The following LRP5 variants were observed in gnomAD, a reference collection of about 807,000 sequenced individuals.
The protein encoded by LRP5 is low-density lipoprotein receptor-related protein 5.
LRP5 carries 62 observed loss-of-function variants against 154.1 expected under a neutral mutation model. The observed-to-expected ratio is 0.40, with a 90% confidence interval of 0.33 to 0.50. The LOEUF is 0.50. Among genes scored for constraint, LRP5 ranks in the 20% least tolerant of loss-of-function variants. LRP5 has a pLI of 0.55. For synonymous variants in LRP5, 966 were observed against 1,011.5 expected (o/e 0.96, Z 0.85); for missense variants, 1,915 against 2,336.7 (o/e 0.82, Z 3.72).
At chr11:68,302,993 C>T in the LRP5 span, among the ~76,000 whole-genome samples, 1 of 152,218 alleles carries the variant, frequency 6.6e-6, no homozygotes. Flanking sequence ...GATGGCCTTT[C>T]CTACTCCCTC....
chr11:68,447,372 C>T lies in LRP5; in HGVS notation c.4586+839C>T, dbSNP rs571635343. 3.9e-5 allele frequency among the ~76,000 whole-genome samples: 6 copies of T among 152,186 alleles called. No homozygotes were observed. The highest frequency in any genetic ancestry group is 7.2e-5 in the African/African-American group (3 of 41,446). ...TTGGGTCCCTGGAGCAGCAGGGCCT[C>T]CCGAGTGTGGTGCCGCCTGCCACCT... On this transcript the variant is annotated intron_variant, in intron 22 of 22. Transcript: ENST00000294304. This position sits in a 1 kb window ranked among gnomAD's most constrained non-coding sequence, Gnocchi z 4.3.
rs1391302968 is a variant in LRP5, at chr11:68,416,397, G to A, written c.2897G>A (p.Ser966Asn). ...ISRMIPDDQH[S>N]PDLILPLHGL... is the part of the protein sequence containing the mutation. The stretch of plus-strand genomic sequence containing the variant: ...CGGATGATCCCGGACGACCAGCACA[G>A]CCCGGATCTCATCCTGCCCCTGCAT... Residue 966 changes from serine to asparagine, a missense_variant, in exon 13 of 23, where the codon AGC becomes AAC. Ser to Asn is a conservative substitution (Grantham distance 46, BLOSUM62 1). This residue lies in a region of LRP5 where 1,094 missense variants were observed against 1,210.1 expected (regional missense o/e 0.90). Transcript: ENST00000294304. The A allele has an allele frequency of 6.2e-7, 1 of 1,614,066 alleles. No homozygotes were observed. The highest frequency in any genetic ancestry group is 8.5e-7 in the Non-Finnish European group (1 of 1,180,046).
intron 7 of LRP5, among the ~76,000 whole-genome samples, chr11:68,391,450 C>T (rs1391417648): frequency 1.3e-5 from 2 of 152,228 alleles, no homozygotes; most frequent in African/African-American, 2.4e-5. Flanking sequence ...ACGTCACCAT[C>T]GGGGTCACCT....
rs201030241 is a variant in LRP5 at position 68,446,497 on chromosome 11, A to G, written c.4550A>G (p.Tyr1517Cys). 254 of 1,613,996 alleles carry G rather than the reference A, an allele frequency of 1.6e-4. No individual in the cohort carries two copies. The South Asian group carries it at 2.5e-3, about 16-fold the overall frequency. The change falls in exon 22 of 23, where the codon TAC becomes TGC. Residue 1517 changes from tyrosine (Y) to cysteine (C), a missense_variant. Physicochemically the swap from Tyr to Cys is radical, Grantham distance 194. Around this residue, in one of 3 missense-constraint regions of LRP5, gnomAD observed 1,094 missense variants for 1,210.1 expected, o/e 0.90. Transcript: ENST00000294304. ...TCCCTGTACAACATGGACATGTTCT[A>G]CTCTTCAAACATTCCGGCCACTGCG... is the stretch of plus-strand genomic sequence containing the variant. ...DPSLYNMDMFYSSNIPATARP... is the reference protein window; with the variant it reads ...DPSLYNMDMFCSSNIPATARP...
At chr11:68,438,314 GCTCCCCCACTTT>G in intron 19 of LRP5, 120 bp from the exon 20 acceptor site, 1 of 914,268 alleles carries the variant, frequency 1.1e-6, no homozygotes, top group Non-Finnish European at 1.8e-6. Flanking sequence ...TAGCCTCCCA[GCTCCCCCACTTT>G]CTCCCCACCC....
At chr11:68,419,337 A>G (rs1291751058) in intron 13 of LRP5, among the ~76,000 whole-genome samples, 1 of 150,532 alleles carries the variant, frequency 6.6e-6, no homozygotes, top group African/African-American at 2.5e-5. Flanking sequence ...GGCTCCAGTG[A>G]TCCTCTCACC....
At chr11:68,443,579 ATATATAT>A (rs1203648198) in intron 21 of LRP5, among the ~76,000 whole-genome samples, 11 of 39,940 alleles carry the variant, frequency 2.8e-4, no homozygotes, top group South Asian at 8.1e-4. Flanking sequence ...ATATATATAT[ATATATAT>A]TTTTTTTTTT....
chr11:68,304,202 T>C, the LRP5 span, among the ~76,000 whole-genome samples: 1 of 152,364 alleles, frequency 6.6e-6, no homozygotes, highest in African/African-American at 2.4e-5. Context: ...CTGCACAGCC[T>C]CAGGACACTG....
intron 2 of LRP5, among the ~76,000 whole-genome samples, chr11:68,349,341 T>C (rs1322626428): frequency 2.6e-5 from 4 of 152,142 alleles, no homozygotes; most frequent in African/African-American, 9.7e-5. Flanking sequence ...CCCATAGTTA[T>C]GTTCCTTTTT....
At chr11:68,439,586 G>T (rs1423279780) in intron 20 of LRP5, among the ~76,000 whole-genome samples, 191 bp from the exon 21 acceptor site, 1 of 152,186 alleles carries the variant, frequency 6.6e-6, no homozygotes, top group Non-Finnish European at 1.5e-5. Context: ...TCACAGATGA[G>T]CCCCGGGGAG....
At chr11:68,397,404 G>A (rs1591276606) in intron 7 of LRP5, among the ~76,000 whole-genome samples, 1 of 152,156 alleles carries the variant, frequency 6.6e-6, no homozygotes, top group Non-Finnish European at 1.5e-5. Flanking sequence ...CCTCATGCTG[G>A]AGGGACAGCC....
At chr11:68,343,342 G>C (rs975008124) in intron 1 of LRP5, among the ~76,000 whole-genome samples, 3 of 152,228 alleles carry the variant, frequency 2.0e-5, no homozygotes, top group East Asian at 3.8e-4. Context: ...GACTTCATGG[G>C]GCCTGGGCGA....
At chr11:68,305,099 C>T in the LRP5 span, among the ~76,000 whole-genome samples, 102 of 152,086 alleles carry the variant, frequency 6.7e-4, 1 homozygote, top group African/African-American at 2.4e-3. Flanking sequence ...ATTTGTCCCC[C>T]CAAACCTCAT....
chr11:68,348,461 G>A (rs182387912), intron 2 of LRP5, among the ~76,000 whole-genome samples: 2 of 128,248 alleles, frequency 1.6e-5, no homozygotes, highest in Non-Finnish European at 3.2e-5. Flanking sequence ...CCCAGCACTC[G>A]GTGTCACTCT....
chr11:68,327,167 T>TC (rs2098600189), intron 1 of LRP5, among the ~76,000 whole-genome samples: 1 of 152,136 alleles, frequency 6.6e-6, no homozygotes, highest in Non-Finnish European at 1.5e-5. Context: ...CCTCCCAGGC[T>TC]CCCCCTCCAA....
chr11:68,393,854 T>C (rs187195238), intron 7 of LRP5, among the ~76,000 whole-genome samples: 1 of 152,326 alleles, frequency 6.6e-6, no homozygotes, highest in East Asian at 1.9e-4. Context: ...GGGTGTCCCA[T>C]GTGGCTTTGC....
chr11:68,317,939 G>T lies in LRP5; in HGVS notation c.91+5134G>T, dbSNP rs192865103. Among the ~76,000 whole-genome samples the T allele has an allele frequency of 1.3e-3, 195 of 152,204 alleles. 1 individual carries two copies. The highest frequency in any genetic ancestry group is 4.6e-3 in the African/African-American group (191 of 41,496). On this transcript the variant is annotated intron_variant, in intron 1 of 22. Coordinates refer to ENST00000294304, the MANE Select transcript of LRP5 (RefSeq NM_002335.4). ...TGGACCCCCTGGGAGGTTGTCCTGG[G>T]GGTGCGGGGATTGTGTTTTCTGGGT...
At chr11:68,304,221 C>T in the LRP5 span, among the ~76,000 whole-genome samples, 1 of 152,250 alleles carries the variant, frequency 6.6e-6, no homozygotes, top group Non-Finnish European at 1.5e-5. Context: ...TGCTCCCTGC[C>T]TGCATCTAGA....
At chr11:68,367,771 C>CA (rs1004262820) in intron 5 of LRP5, among the ~76,000 whole-genome samples, 2 of 152,102 alleles carry the variant, frequency 1.3e-5, no homozygotes, top group African/African-American at 4.8e-5. Context: ...AGGTGTAAAA[C>CA]AGGCAGCTCG....
Sources: allele counts gnomAD v4.1 joint callset (sites outside exome capture counted in the v4.1 genomes callset), GRCh38; gene constraint gnomAD v4.1.1; regional missense constraint gnomAD v4.1.1; non-coding constraint Gnocchi (gnomAD v3.1); transcripts MANE v1.5; gene names NCBI Gene and HGNC (gene_info 2026-07-23, HGNC 2026-07-21).